Variants in FAM20A observed in about 807,000 individuals in gnomAD.
The protein encoded by FAM20A is pseudokinase FAM20A.
In FAM20A, 42 loss-of-function variants were observed where a neutral mutation model predicts 52.0. That is an observed-to-expected ratio of 0.81 (90% CI 0.63 to 1.04). The LOEUF (loss-of-function observed/expected upper bound fraction) is 1.04. Ranked by LOEUF, FAM20A falls within the 50% of genes least tolerant of loss-of-function variation. The pLI is 0.00. For missense variants in FAM20A, 742 were observed against 712.7 expected (o/e 1.04, Z -0.47); for synonymous variants, 304 against 298.9 (o/e 1.02, Z -0.18).
intron 3 of FAM20A, 47 bp downstream of exon 3, chr17:68,554,730 G>A (rs2087004098): frequency 1.3e-6 from 2 of 1,597,678 alleles, no homozygotes; most frequent in African/African-American, 1.4e-5. Flanking sequence ...GGTTTGCACA[G>A]CTGTGAGGGT....
rs1568739140 is a variant in FAM20A at position 68,552,665 on chromosome 17, C to CTTTTTTTTTTT, written c.641-715_641-714insAAAAAAAAAAA. On this transcript the variant is annotated intron_variant, in intron 3 of 10. Transcript: ENST00000592554. The stretch of plus-strand genomic sequence containing the variant: ...CTGGAGCCCTGTAAACCTTTATTTT[C>CTTTTTTTTTTT]CTTTTTTTTTTTTTTTTTTTTTTTT... Among the ~76,000 whole-genome samples the CTTTTTTTTTTT allele has an allele frequency of 3.4e-4, 37 of 109,996 alleles. 6 individuals carry two copies. Among genetic ancestry groups the CTTTTTTTTTTT allele is most frequent in the African/African-American group, 1.2e-3 (37 of 30,998 alleles). The allele number at this position is 109,996 out of a possible 152,430, so 72.2% of individuals were successfully genotyped here. A position where few individuals can be genotyped will look rare whatever the true frequency, so the allele number is the denominator to read the frequency against.
At chr17:68,554,006 G>T (rs1406685608) in intron 3 of FAM20A, among the ~76,000 whole-genome samples, 1 of 86,652 alleles carries the variant, frequency 1.2e-5, no homozygotes, top group Admixed American at 1.1e-4. Context: ...ACACATATAT[G>T]CATATATACA....
intron 1 of FAM20A, among the ~76,000 whole-genome samples, chr17:68,586,328 A>C (rs1345688285): frequency 2.6e-5 from 4 of 152,224 alleles, no homozygotes; most frequent in East Asian, 1.9e-4. Context: ...TGGTAACTGC[A>C]TGGCCTTTGT....
intron 1 of FAM20A, among the ~76,000 whole-genome samples, chr17:68,565,062 T>C (rs11649763): frequency 0.16 from 24,931 of 152,010 alleles, 2,270 homozygotes; most frequent in East Asian, 0.34. Flanking sequence ...TAGGTTTGGA[T>C]CCCCCGCCTC....
chr17:68,561,408 T>C (rs186222020), intron 1 of FAM20A, among the ~76,000 whole-genome samples: 1 of 152,348 alleles, frequency 6.6e-6, no homozygotes, highest in Admixed American at 6.5e-5. Flanking sequence ...ATTCATTTTT[T>C]AGTTCACTGA....
intron 4 of FAM20A, among the ~76,000 whole-genome samples, chr17:68,548,969 T>A (rs1009732220): frequency 2.0e-5 from 3 of 151,868 alleles, no homozygotes; most frequent in Non-Finnish European, 4.4e-5. Flanking sequence ...CCTGACCTCG[T>A]GATCTGCCCG....
rs1240223324 is a variant in FAM20A at position 68,600,862 on chromosome 17, G to A, written c.-196C>T. On this transcript the variant is annotated 5_prime_UTR_variant, in exon 1 of 11. Coordinates refer to ENST00000592554, the MANE Select transcript of FAM20A (RefSeq NM_017565.4). This position sits in a 1 kb window ranked among gnomAD's most constrained non-coding sequence, Gnocchi z 6.2. ...TCAACTTGGGGACCAGGTGCACGGA[G>A]CACCGGGGCTCTCGGAGTCAGCGGG... 1 of 551,252 alleles carries A rather than the reference G, an allele frequency of 1.8e-6. No individual in the cohort carries two copies. The allele number at this position is 551,252 out of a possible 1,614,324, so 34.1% of individuals were successfully genotyped here. A position where few individuals can be genotyped will look rare whatever the true frequency, so the allele number is the denominator to read the frequency against.
rs2088571484 is a variant in FAM20A, at chr17:68,600,138, A to C, written c.404+125T>G. On this transcript the variant is annotated intron_variant, in intron 1 of 10. Coordinates refer to ENST00000592554, the MANE Select transcript of FAM20A (RefSeq NM_017565.4). This position sits in a 1 kb window ranked among gnomAD's most constrained non-coding sequence, Gnocchi z 6.2. ...GGGAACACACTCTAAGCCCAGCGCC[A>C]GGGCTGGAGCCGTGGGTGGAGCCGC... 1.7e-6 allele frequency: 2 copies of C among 1,164,742 alleles called. No homozygotes were observed. Among genetic ancestry groups the C allele is most frequent in the Non-Finnish European group, 2.4e-6 (2 of 845,134 alleles). 72.2% of individuals were successfully genotyped at this position (1,164,742 alleles called of 1,614,324 possible).
At chr17:68,542,515 C>T (rs907157531) in intron 6 of FAM20A, among the ~76,000 whole-genome samples, 179 bp downstream of exon 6, 2 of 152,126 alleles carry the variant, frequency 1.3e-5, no homozygotes, top group Admixed American at 1.3e-4. Flanking sequence ...CTTTCCCATC[C>T]AGTTCATCTT....
In FAM20A at chr17:68,535,749, C is replaced by T. The variant is rs767565261; in HGVS notation, c.*1728G>A. On this transcript the variant is annotated 3_prime_UTR_variant, in exon 11 of 11. Transcript: ENST00000592554. Reference sequence around the variant, plus strand: ...CTGGTCTCGAGCTCCTGAGACCAAGCGATCTGCCTGTTTAGGCCCAAAGTG... The same window carrying T: ...CTGGTCTCGAGCTCCTGAGACCAAGTGATCTGCCTGTTTAGGCCCAAAGTG... 6.6e-6 allele frequency: 3 copies of T among 451,934 alleles called. No homozygotes were observed. Among genetic ancestry groups the T allele is most frequent in the South Asian group, 1.6e-5 (1 of 64,292 alleles). 28.0% of individuals were successfully genotyped at this position (451,934 alleles called of 1,614,324 possible).
intron 4 of FAM20A, among the ~76,000 whole-genome samples, chr17:68,548,723 ATATTTT>A (rs1283493790): frequency 8.5e-6 from 1 of 117,944 alleles, no homozygotes; most frequent in Non-Finnish European, 1.7e-5. Context: ...CTATGCCTGT[ATATTTT>A]TTTTTTTTTT....
At chr17:68,573,312 G>A (rs2087617384) in intron 1 of FAM20A, among the ~76,000 whole-genome samples, 1 of 152,212 alleles carries the variant, frequency 6.6e-6, no homozygotes, top group Non-Finnish European at 1.5e-5. Context: ...TAGAATTTTA[G>A]TGAGGATTAA....
chr17:68,535,831 T>G lies in FAM20A; in HGVS notation c.*1646A>C, dbSNP rs1217153610. ...TGATTTTTTTTTTAAGCAAACAAAT[T>G]TGACTTCATAAATTGGGTGGGATAC... On this transcript the variant is annotated 3_prime_UTR_variant, in exon 11 of 11. Transcript: ENST00000592554. 2 of 453,858 alleles carry G rather than the reference T, an allele frequency of 4.4e-6. No homozygotes were observed. The highest frequency in any genetic ancestry group is 6.9e-5 in the East Asian group (1 of 14,404). 28.1% of individuals were successfully genotyped at this position (453,858 alleles called of 1,614,324 possible).
chr17:68,600,388 C>T lies in FAM20A; in HGVS notation c.279G>A (p.Gln93=), dbSNP rs2088584842. Reference sequence around the variant, plus strand: ...TGTACAGCGGGTGGGCGAAGAGGGCCTGCAACTTGGAGCTCGACCCGCTGT... The same window carrying T: ...TGTACAGCGGGTGGGCGAAGAGGGCTTGCAACTTGGAGCTCGACCCGCTGT... ...GSHSGSSSKL[Q]ALFAHPLYNV... The change falls in exon 1 of 11, where the codon CAG becomes CAA. Residue 93 remains glutamine, a synonymous_variant. Coordinates refer to ENST00000592554, the MANE Select transcript of FAM20A (RefSeq NM_017565.4). The surrounding 1 kb of genome is among the most constrained non-coding windows in gnomAD (Gnocchi z 6.2). 1.2e-6 allele frequency: 2 copies of T among 1,608,600 alleles called. No individual in the cohort carries two copies. Among genetic ancestry groups the T allele is most frequent in the Non-Finnish European group, 8.5e-7 (1 of 1,178,218 alleles).
At chr17:68,553,893 CAT>C (rs1287709745) in intron 3 of FAM20A, among the ~76,000 whole-genome samples, 3 of 134,746 alleles carry the variant, frequency 2.2e-5, no homozygotes, top group East Asian at 2.0e-4. Flanking sequence ...CCTATATACA[CAT>C]ATATGCATAT....
intron 1 of FAM20A, among the ~76,000 whole-genome samples, chr17:68,597,546 A>C (rs2088487735): frequency 6.6e-6 from 1 of 152,018 alleles, no homozygotes; most frequent in South Asian, 2.1e-4. Flanking sequence ...CACCATGCCC[A>C]ACTAATTTTT....
At chr17:68,562,622 T>G (rs895379679) in intron 1 of FAM20A, among the ~76,000 whole-genome samples, 2 of 147,010 alleles carry the variant, frequency 1.4e-5, no homozygotes, top group African/African-American at 5.3e-5. Flanking sequence ...CCCCCCCCCT[T>G]TTTATTTTAA....
chr17:68,558,916 G>A (rs1351808159), intron 1 of FAM20A, among the ~76,000 whole-genome samples: 1 of 152,162 alleles, frequency 6.6e-6, no homozygotes, highest in African/African-American at 2.4e-5. Flanking sequence ...ATGCCACCAT[G>A]CCTGGCTAAT....
At chr17:68,581,367 T>TTTCTTTCTTTCC (rs755909979) in intron 1 of FAM20A, among the ~76,000 whole-genome samples, 5 of 135,830 alleles carry the variant, frequency 3.7e-5, no homozygotes, top group African/African-American at 1.4e-4. Flanking sequence ...TCTTTCTTTC[T>TTTCTTTCTTTCC]TTCTTTCTTT....
Sources: allele counts gnomAD v4.1 joint callset (sites outside exome capture counted in the v4.1 genomes callset), GRCh38; gene constraint gnomAD v4.1.1; non-coding constraint Gnocchi (gnomAD v3.1); transcripts MANE v1.5; gene names NCBI Gene and HGNC (gene_info 2026-07-23, HGNC 2026-07-21).